Variants in SLC25A21 observed in about 807,000 individuals in gnomAD.
SLC25A21 encodes mitochondrial 2-oxodicarboxylate carrier.
Under a neutral mutation model 43.8 loss-of-function variants are expected in SLC25A21, and 47 were observed. The ratio of observed to expected loss-of-function variants is 1.07; its 90% CI spans 0.85 to 1.37. The LOEUF is 1.37. Among genes scored for constraint, SLC25A21 ranks in the 40% most tolerant of loss-of-function variants. The probability of loss-of-function intolerance (pLI) is 0.00; values close to 1 mark genes in which losing one functional copy is unlikely to be tolerated. For synonymous variants in SLC25A21, 131 were observed against 121.3 expected, an observed-to-expected ratio of 1.08 and a Z score of -0.52; for missense variants, 352 against 350.2, an observed-to-expected ratio of 1.00 and a Z score of -0.04.
At chr14:36,770,256 A>C (rs377538218) in intron 3 of SLC25A21, among the ~76,000 whole-genome samples, 1 of 152,200 alleles carries the variant, frequency 6.6e-6, no homozygotes. Flanking sequence ...TCCTAGGCAA[A>C]TTAACACAGG....
Position 36,678,136 on chromosome 14 carries a change from G to A in SLC25A21, c.*2522C>T, listed in dbSNP as rs10141087. On this transcript the variant is annotated 3_prime_UTR_variant, in exon 10 of 10. Transcript: ENST00000331299. ...TCCCTAGGTGATTTTAATTTCTTCC[G>A]GTCTGTGCTGTGCACAGTCTACATG... 1.2e-5 allele frequency: 3 copies of A among 254,968 alleles called. No individual in the cohort carries two copies. The highest frequency in any genetic ancestry group is 1.1e-4 in the South Asian group (1 of 8,782). The allele number at this position is 254,968 out of a possible 1,614,324, so 15.8% of individuals were successfully genotyped here. A position where few individuals can be genotyped will look rare whatever the true frequency, so the allele number is the denominator to read the frequency against.
chr14:37,144,363 T>C (rs1418252522), intron 1 of SLC25A21, among the ~76,000 whole-genome samples: 1 of 152,236 alleles, frequency 6.6e-6, no homozygotes, highest in Non-Finnish European at 1.5e-5. Flanking sequence ...CTATGAATGA[T>C]AAATAGAATA....
At chr14:36,728,300 C>T (rs1884679843) in intron 5 of SLC25A21, among the ~76,000 whole-genome samples, 1 of 152,180 alleles carries the variant, frequency 6.6e-6, no homozygotes, top group Admixed American at 6.5e-5. Context: ...TTTCAATTCT[C>T]AAGAGTCCAA....
At chr14:36,771,607 C>T (rs925034481) in intron 3 of SLC25A21, among the ~76,000 whole-genome samples, 1 of 152,128 alleles carries the variant, frequency 6.6e-6, no homozygotes, top group Non-Finnish European at 1.5e-5. Context: ...AACTTGAACT[C>T]TCTAGAGAAG....
intron 1 of SLC25A21, among the ~76,000 whole-genome samples, chr14:37,047,783 T>G (rs1196462292): frequency 2.0e-5 from 3 of 152,188 alleles, no homozygotes; most frequent in Non-Finnish European, 4.4e-5. Flanking sequence ...ACAAAACCTT[T>G]CTTGAATTTC....
At chr14:36,763,303 A>G (rs1056580452) in intron 3 of SLC25A21, among the ~76,000 whole-genome samples, 1 of 152,216 alleles carries the variant, frequency 6.6e-6, no homozygotes, top group African/African-American at 2.4e-5. Flanking sequence ...TCATTAAATC[A>G]TTCTCTTTTA....
intron 7 of SLC25A21, among the ~76,000 whole-genome samples, chr14:36,688,341 C>G (rs965659745): frequency 6.6e-6 from 1 of 152,174 alleles, no homozygotes; most frequent in Non-Finnish European, 1.5e-5. Context: ...TATATTTTTG[C>G]GTGTATCTCT....
Position 36,711,494 on chromosome 14 carries a change from A to G in SLC25A21, c.439-12T>C. On this transcript the variant is annotated splice_polypyrimidine_tract_variant and intron_variant, in intron 6 of 9. Coordinates refer to ENST00000331299, the MANE Select transcript of SLC25A21 (RefSeq NM_030631.4). ...ACAGTGGATGGTTGCTGCAGAAGAG[A>G]GAAGCAAGGCCAGAATGATCATCTT... 3.1e-6 allele frequency: 5 copies of G among 1,612,110 alleles called. No individual in the cohort carries two copies. Among genetic ancestry groups the G allele is most frequent in the Non-Finnish European group, 4.2e-6 (5 of 1,179,258 alleles).
At position 36,734,522 on chromosome 14, in the gene SLC25A21, TG is replaced by T. The variant is rs748899887; in HGVS notation, c.254del (p.Pro85GlnfsTer5). On this transcript the variant is annotated frameshift_variant, in exon 4 of 10. Coordinates refer to ENST00000331299, the MANE Select transcript of SLC25A21 (RefSeq NM_030631.4). LOFTEE classifies it high-confidence loss of function. ...CAATGCTTACCTTCACTGCTCTTTT[TG>T]GGGTTTCAGCCAAGATAGGTGGCAG... is the stretch of plus-strand genomic sequence containing the variant. ...GILPPILAET[P>X]KRAVKFFTFE... is the part of the protein sequence containing the mutation. 4 of 1,607,810 alleles carry T rather than the reference TG, an allele frequency of 2.5e-6. No individual in the cohort carries two copies. Among genetic ancestry groups the T allele is most frequent in the Middle Eastern group, 1.7e-4 (1 of 6,056 alleles).
At chr14:37,120,481 T>G (rs1267673653) in intron 1 of SLC25A21, among the ~76,000 whole-genome samples, 1 of 152,212 alleles carries the variant, frequency 6.6e-6, no homozygotes. Flanking sequence ...CAGTGGTGAC[T>G]TTAAGTCCTT....
chr14:37,030,337 C>A (rs1210155035), intron 1 of SLC25A21, among the ~76,000 whole-genome samples: 1 of 152,120 alleles, frequency 6.6e-6, no homozygotes, highest in East Asian at 1.9e-4. Context: ...CAGAAATAGA[C>A]CTGATCAATT....
chr14:36,842,600 C>T (rs929959480), intron 2 of SLC25A21, among the ~76,000 whole-genome samples: 3 of 152,140 alleles, frequency 2.0e-5, no homozygotes, highest in Admixed American at 6.5e-5. Flanking sequence ...CTATTATTTG[C>T]AGTTAAACAA....
At chr14:37,030,370 C>T (rs977304719) in intron 1 of SLC25A21, among the ~76,000 whole-genome samples, 2 of 152,096 alleles carry the variant, frequency 1.3e-5, no homozygotes, top group Non-Finnish European at 2.9e-5. Context: ...GTTTGAGGGT[C>T]AACTGTACTT....
intron 2 of SLC25A21, among the ~76,000 whole-genome samples, chr14:36,849,702 C>T (rs1376544788): frequency 6.6e-6 from 1 of 152,110 alleles, no homozygotes; most frequent in Non-Finnish European, 1.5e-5. Flanking sequence ...ATATTTGAGA[C>T]AGTCTATCTA....
At chr14:36,763,692 G>A (rs562573381) in intron 3 of SLC25A21, among the ~76,000 whole-genome samples, 4 of 151,978 alleles carry the variant, frequency 2.6e-5, no homozygotes, top group African/African-American at 4.8e-5. Flanking sequence ...AGAGCACACC[G>A]GGAAGACCAG....
chr14:36,751,298 T>A (rs1885699520), intron 3 of SLC25A21, among the ~76,000 whole-genome samples: 1 of 152,204 alleles, frequency 6.6e-6, no homozygotes, highest in Non-Finnish European at 1.5e-5. Flanking sequence ...CAACAGGAAG[T>A]AGCCCCTGCT....
intron 1 of SLC25A21, among the ~76,000 whole-genome samples, chr14:36,890,737 A>C (rs373374169): frequency 6.6e-6 from 1 of 152,308 alleles, no homozygotes; most frequent in South Asian, 2.1e-4. Context: ...TGGAGGAGTA[A>C]CACATTCACC....
chr14:36,951,726 C>A (rs1480455747), intron 1 of SLC25A21, among the ~76,000 whole-genome samples: 1 of 152,118 alleles, frequency 6.6e-6, no homozygotes, highest in Non-Finnish European at 1.5e-5. Flanking sequence ...CAATTCTACA[C>A]ACAAACAACA....
Position 36,804,820 on chromosome 14 carries a change from G to C in SLC25A21, c.203+9098C>G, listed in dbSNP as rs530829598. 2.6e-5 allele frequency among the ~76,000 whole-genome samples: 4 copies of C among 152,226 alleles called. No homozygotes were observed. The South Asian group carries it at 8.3e-4, about 32-fold the overall frequency. On this transcript the variant is annotated intron_variant, in intron 3 of 9. Transcript: ENST00000331299. ...GGTATGGGTAGAAGAGTGCTTTTAGGAAGTTCTCTTTTTCCATTTGATTTG... is the reference window on the plus strand; with the variant it reads ...GGTATGGGTAGAAGAGTGCTTTTAGCAAGTTCTCTTTTTCCATTTGATTTG...
Sources: gnomAD v4.1 joint callset for allele counts (sites outside exome capture counted in the v4.1 genomes callset) on GRCh38, gnomAD v4.1.1 for gene constraint, MANE v1.5 for transcripts, NCBI Gene and HGNC (gene_info 2026-07-23, HGNC 2026-07-21) for gene names.